HCN1: variants seen among roughly 807,000 people sequenced by gnomAD.
The protein encoded by HCN1 is potassium/sodium hyperpolarization-activated cyclic nucleotide-gated channel 1.
Under a neutral mutation model 78.9 loss-of-function variants are expected in HCN1, and 13 were observed. The observed-to-expected ratio is 0.16, with a 90% confidence interval of 0.11 to 0.26. HCN1 has a LOEUF of 0.26. Ranked by LOEUF, HCN1 falls within the 10% of genes least tolerant of loss-of-function variation. The probability of loss-of-function intolerance (pLI) is 1.00; values close to 1 mark genes in which losing one functional copy is unlikely to be tolerated. For synonymous variants in HCN1, 552 were observed against 455.5 expected (o/e 1.21, Z -2.70); for missense variants, 810 against 1,154.3 (o/e 0.70, Z 4.32).
chr5:45,450,568 C>T (rs761124851), intron 3 of HCN1, among the ~76,000 whole-genome samples: 9 of 152,128 alleles, frequency 5.9e-5, no homozygotes, highest in Admixed American at 3.9e-4. Flanking sequence ...ATTTGCTTCA[C>T]ATGGTTGTGA....
rs1324351239 is a variant in HCN1, at chr5:45,261,018, A to C, written c.*903T>G. The C allele has an allele frequency of 6.6e-6, 1 of 152,632 alleles. No homozygotes were observed. Among genetic ancestry groups the C allele is most frequent in the Non-Finnish European group, 1.5e-5 (1 of 68,024 alleles). The allele number at this position is 152,632 out of a possible 1,614,324, so 9.5% of individuals were successfully genotyped here. A position where few individuals can be genotyped will look rare whatever the true frequency, so the allele number is the denominator to read the frequency against. ...ATTCGAGCATACAATTTTGCATAAA[A>C]CATTGCAGGTTAAAATAATATTGTA... is the stretch of plus-strand genomic sequence containing the variant. On this transcript the variant is annotated 3_prime_UTR_variant, in exon 8 of 8. Coordinates refer to ENST00000303230, the MANE Select transcript of HCN1 (RefSeq NM_021072.4).
At chr5:45,375,834 CTTAT>C (rs1561131854) in intron 4 of HCN1, among the ~76,000 whole-genome samples, 8 of 112,896 alleles carry the variant, frequency 7.1e-5, no homozygotes, top group African/African-American at 2.9e-4. Context: ...TATGATATAT[CTTAT>C]ATATAATATA....
chr5:45,560,964 C>A (rs1371707095), intron 2 of HCN1, among the ~76,000 whole-genome samples: 1 of 152,072 alleles, frequency 6.6e-6, no homozygotes, highest in Non-Finnish European at 1.5e-5. Flanking sequence ...AAACTAATAT[C>A]AAATTCTAAA....
At chr5:45,314,729 C>A (rs994975326) in intron 5 of HCN1, among the ~76,000 whole-genome samples, 10 of 151,874 alleles carry the variant, frequency 6.6e-5, no homozygotes, top group Non-Finnish European at 1.5e-4. Context: ...ATCTACCAAG[C>A]AAATAGAAAA....
intron 6 of HCN1, among the ~76,000 whole-genome samples, chr5:45,274,307 T>G (rs1450188761): frequency 1.2e-4 from 19 of 152,190 alleles, no homozygotes; most frequent in Non-Finnish European, 1.5e-4. Flanking sequence ...ATAAAGTTAT[T>G]GTTTTATCAA....
intron 2 of HCN1, among the ~76,000 whole-genome samples, chr5:45,494,489 T>C (rs1332423520): frequency 1.3e-5 from 2 of 151,942 alleles, no homozygotes; most frequent in African/African-American, 4.8e-5. Context: ...CATTGTAGAT[T>C]CTGGATATTA....
At chr5:45,282,723 T>C (rs1579777477) in intron 6 of HCN1, among the ~76,000 whole-genome samples, 1 of 152,194 alleles carries the variant, frequency 6.6e-6, no homozygotes, top group Non-Finnish European at 1.5e-5. Flanking sequence ...TCATTCTGTG[T>C]TATGGGAAAT....
chr5:45,310,729 C>A (rs1401918982), intron 5 of HCN1, among the ~76,000 whole-genome samples: 1 of 152,040 alleles, frequency 6.6e-6, no homozygotes, highest in Non-Finnish European at 1.5e-5. Context: ...TTCATTGCAG[C>A]ACAATTCAAA....
At chr5:45,352,642 T>C (rs531752636) in intron 5 of HCN1, among the ~76,000 whole-genome samples, 166 of 152,152 alleles carry the variant, frequency 1.1e-3, no homozygotes, top group African/African-American at 3.8e-3. Flanking sequence ...AGAAAGATGA[T>C]GCAAAGCAAA....
intron 5 of HCN1, among the ~76,000 whole-genome samples, chr5:45,337,100 G>A (rs1293317208): frequency 6.6e-6 from 1 of 151,980 alleles, no homozygotes. Context: ...CAGAACATTT[G>A]TATACCCTCT....
At chr5:45,665,573 A>G (rs546021570) in intron 1 of HCN1, among the ~76,000 whole-genome samples, 9 of 152,214 alleles carry the variant, frequency 5.9e-5, no homozygotes, top group Non-Finnish European at 1.2e-4. Flanking sequence ...GAAGAAATAA[A>G]TTCTCAGACT....
intron 6 of HCN1, among the ~76,000 whole-genome samples, chr5:45,281,923 G>A (rs571064573): frequency 1.3e-5 from 2 of 152,090 alleles, no homozygotes; most frequent in East Asian, 3.9e-4. Context: ...TATAGTATAT[G>A]TTTAGTGGAA....
intron 2 of HCN1, among the ~76,000 whole-genome samples, chr5:45,497,317 T>C (rs553618683): frequency 6.6e-6 from 1 of 152,288 alleles, no homozygotes; most frequent in East Asian, 1.9e-4. Flanking sequence ...AAGTCTCCCA[T>C]TATTAATGTG....
chr5:45,539,350 G>C (rs1743041126), intron 2 of HCN1, among the ~76,000 whole-genome samples: 1 of 151,060 alleles, frequency 6.6e-6, no homozygotes, highest in East Asian at 1.9e-4. Flanking sequence ...TATTAAAGTA[G>C]AAATAAAATA....
At chr5:45,464,253 A>G (rs1468051561) in intron 2 of HCN1, among the ~76,000 whole-genome samples, 2 of 152,090 alleles carry the variant, frequency 1.3e-5, no homozygotes, top group Non-Finnish European at 2.9e-5. Context: ...GTTAATGGGG[A>G]TATAACATCA....
chr5:45,316,792 C>T (rs903168509), intron 5 of HCN1, among the ~76,000 whole-genome samples: 3 of 152,096 alleles, frequency 2.0e-5, no homozygotes, highest in Admixed American at 6.6e-5. Flanking sequence ...AGAGCCAAAT[C>T]ATGAGTGAAC....
chr5:45,434,027 C>A (rs528355960), intron 3 of HCN1, among the ~76,000 whole-genome samples: 2 of 152,000 alleles, frequency 1.3e-5, no homozygotes, highest in East Asian at 3.9e-4. Context: ...GAGTGGTGTC[C>A]CAGTGTCAGA....
At chr5:45,511,262 A>G (rs1310599128) in intron 2 of HCN1, among the ~76,000 whole-genome samples, 2 of 152,096 alleles carry the variant, frequency 1.3e-5, no homozygotes, top group Admixed American at 6.6e-5. Context: ...TTGAATCAAG[A>G]GATAAATGGA....
intron 2 of HCN1, among the ~76,000 whole-genome samples, chr5:45,472,603 G>A (rs943250334): frequency 9.7e-6 from 1 of 103,320 alleles, no homozygotes; most frequent in Admixed American, 1.5e-4. Flanking sequence ...AAGGAGGAAA[G>A]AAAGAAAAGA....
Sources: gnomAD v4.1 joint callset for allele counts (sites outside exome capture counted in the v4.1 genomes callset) on GRCh38, gnomAD v4.1.1 for gene constraint, MANE v1.5 for transcripts, NCBI Gene and HGNC (gene_info 2026-07-23, HGNC 2026-07-21) for gene names.